CAMK2B: variants seen among roughly 807,000 people sequenced by gnomAD.
CAMK2B encodes calcium/calmodulin dependent protein kinase II beta.
In CAMK2B, 27 loss-of-function variants were observed where a neutral mutation model predicts 93.7. The observed-to-expected ratio is 0.29, with a 90% CI of 0.21 to 0.40. The LOEUF (loss-of-function observed/expected upper bound fraction) is 0.40. CAMK2B is among the 10% of genes least tolerant of loss of function. CAMK2B has a pLI of 1.00. For missense variants in CAMK2B, 568 were observed against 895.8 expected (o/e 0.63, Z 4.67); for synonymous variants, 374 against 358.8 (o/e 1.04, Z -0.48).
rs7788013 is a variant in CAMK2B at position 44,317,359 on chromosome 7, C to T, written c.65+7998G>A. 2.3e-3 allele frequency among the ~76,000 whole-genome samples: 351 copies of T among 152,074 alleles called. 2 individuals are homozygous for T. Among genetic ancestry groups the T allele is most frequent in the African/African-American group, 8.1e-3 (338 of 41,486 alleles). On this transcript the variant is annotated intron_variant, in intron 1 of 23. Coordinates refer to ENST00000395749, the MANE Select transcript of CAMK2B (RefSeq NM_001220.5). Reference sequence around the variant, plus strand: ...GAACCTGGTCCAAACTGAGATGTGCCGTAAGGGTAAAATACACACCAGATT... The same window carrying T: ...GAACCTGGTCCAAACTGAGATGTGCTGTAAGGGTAAAATACACACCAGATT...
intron 1 of CAMK2B, among the ~76,000 whole-genome samples, chr7:44,309,970 G>T (rs1793072871): frequency 6.6e-6 from 1 of 152,222 alleles, no homozygotes; most frequent in South Asian, 2.1e-4. Context: ...GCTCGCGAAG[G>T]ACACGCGGGA....
At position 44,219,305 on chromosome 7, in the gene CAMK2B, T is replaced by C. The variant is rs2096367918; in HGVS notation, c.*220A>G. 6.9e-6 allele frequency: 1 copy of C among 145,008 alleles called. No homozygotes were observed. The highest frequency in any genetic ancestry group is 2.5e-5 in the African/African-American group (1 of 39,608). 9.0% of individuals were successfully genotyped at this position (145,008 alleles called of 1,614,324 possible). ...TTTGTTTTTTTTTTTTTTCATTTCATCTGATGTCAATTTTTTTTGTGGTTG... is the reference window on the plus strand; with the variant it reads ...TTTGTTTTTTTTTTTTTTCATTTCACCTGATGTCAATTTTTTTTGTGGTTG... On this transcript the variant is annotated 3_prime_UTR_variant, in exon 24 of 24. Coordinates refer to ENST00000395749, the MANE Select transcript of CAMK2B (RefSeq NM_001220.5).
Position 44,220,257 on chromosome 7 carries a change from G to T in CAMK2B, c.1806C>A (p.Ile602=). 3 of 1,613,308 alleles carry T rather than the reference G, an allele frequency of 1.9e-6. No homozygotes were observed. The highest frequency in any genetic ancestry group is 2.5e-6 in the Non-Finnish European group (3 of 1,179,956). ...CAATGACGTGCACGTGTGGGTTCAG[G>T]ATGGTCGTGTGGATCGGCTTGCTGT... is the stretch of plus-strand genomic sequence containing the variant. The part of the protein sequence containing the change: ...AKNSKPIHTT[I]LNPHVHVIGE... The change falls in exon 23 of 24, where the codon ATC becomes ATA. Residue 602 remains isoleucine, a synonymous_variant. Coordinates refer to ENST00000395749, the MANE Select transcript of CAMK2B (RefSeq NM_001220.5).
chr7:44,225,632 T>C lies in CAMK2B; in HGVS notation c.1597+884A>G. On this transcript the variant is annotated intron_variant, in intron 20 of 23. Coordinates refer to ENST00000395749, the MANE Select transcript of CAMK2B (RefSeq NM_001220.5). The surrounding 1 kb of genome is among the most constrained non-coding windows in gnomAD (Gnocchi z 5.0). ...TTTGAGCCTGCAGCCTGCATCCCCCTCCTCGAGCCGCTGCTCCTGTGGGTT... is the reference window on the plus strand; with the variant it reads ...TTTGAGCCTGCAGCCTGCATCCCCCCCCTCGAGCCGCTGCTCCTGTGGGTT... 1.2e-6 allele frequency: 1 copy of C among 833,522 alleles called. No individual in the cohort carries two copies. Among genetic ancestry groups the C allele is most frequent in the Non-Finnish European group, 1.7e-6 (1 of 586,732 alleles). The allele number at this position is 833,522 out of a possible 1,614,324, so 51.6% of individuals were successfully genotyped here.
rs1003170508 is a variant in CAMK2B, at chr7:44,286,633, G to T, written c.66-2408C>A. 1.3e-5 allele frequency among the ~76,000 whole-genome samples: 2 copies of T among 152,218 alleles called. No individual in the cohort carries two copies. Among genetic ancestry groups the T allele is most frequent in the African/African-American group, 4.8e-5 (2 of 41,458 alleles). ...CAAGAGCCTGACCGCAGGTGGGTGG[G>T]ACAAGGGCTTCCTCCAGTTGATCCC... On this transcript the variant is annotated intron_variant, in intron 1 of 23. Transcript: ENST00000395749. This position sits in a 1 kb window ranked among gnomAD's most constrained non-coding sequence, Gnocchi z 4.0.
intron 2 of CAMK2B, among the ~76,000 whole-genome samples, chr7:44,265,978 G>T (rs1167838128): frequency 6.6e-6 from 1 of 151,926 alleles, no homozygotes; most frequent in Non-Finnish European, 1.5e-5. Context: ...GGCTAATGTT[G>T]TTTTATTCGT....
chr7:44,247,300 C>A, intron 5 of CAMK2B, 108 bp from the exon 6 acceptor site: 1 of 884,466 alleles, frequency 1.1e-6, no homozygotes. Flanking sequence ...ACCAGGGGGA[C>A]AAAGCAAGTC....
chr7:44,235,517 A>C (rs1319857607), intron 13 of CAMK2B, among the ~76,000 whole-genome samples: 1 of 152,272 alleles, frequency 6.6e-6, no homozygotes, highest in Non-Finnish European at 1.5e-5. Context: ...ATAAAAAACC[A>C]AAAGAGGAAG....
intron 1 of CAMK2B, among the ~76,000 whole-genome samples, chr7:44,310,474 CG>C (rs1793245285): frequency 6.6e-6 from 1 of 152,140 alleles, no homozygotes; most frequent in East Asian, 1.9e-4. Flanking sequence ...ATGTCATGCG[CG>C]GTGGGAGGGG....
chr7:44,280,020 G>A (rs2097090160), intron 2 of CAMK2B, among the ~76,000 whole-genome samples: 1 of 152,160 alleles, frequency 6.6e-6, no homozygotes, highest in African/African-American at 2.4e-5. Context: ...CTGGTTTCAG[G>A]GTGTATCTGC....
intron 20 of CAMK2B, among the ~76,000 whole-genome samples, 160 bp downstream of exon 20, chr7:44,226,356 C>A (rs2096478135): frequency 6.6e-6 from 1 of 152,238 alleles, no homozygotes; most frequent in African/African-American, 2.4e-5. Context: ...CCCAGTGGCA[C>A]CTTCATGTGC....
chr7:44,262,142 C>A (rs1264435692), intron 3 of CAMK2B, among the ~76,000 whole-genome samples: 3 of 152,228 alleles, frequency 2.0e-5, no homozygotes, highest in Non-Finnish European at 2.9e-5. Context: ...CGGAGCCAGG[C>A]CCAGGTGAGT....
At chr7:44,229,196 A>G in intron 18 of CAMK2B, 192 bp downstream of exon 18, 2 of 610,678 alleles carry the variant, frequency 3.3e-6, no homozygotes, top group Non-Finnish European at 5.9e-6. Context: ...AAAGTGGTCC[A>G]GGGCCCTCCT....
chr7:44,262,883 T>G lies in CAMK2B; in HGVS notation c.220+122A>C, dbSNP rs1584357971. 5 of 851,420 alleles carry G rather than the reference T, an allele frequency of 5.9e-6. No individual in the cohort carries two copies. The East Asian group carries it at 1.3e-4, about 22-fold the overall frequency. 52.7% of individuals were successfully genotyped at this position (851,420 alleles called of 1,614,324 possible). A position where few individuals can be genotyped will look rare whatever the true frequency, so the allele number is the denominator to read the frequency against. ...CCTCAGGGGCTTCTGGTGGGATATT[T>G]CAACAGAGAAGAAAAGGAAGTCTTT... On this transcript the variant is annotated intron_variant, in intron 3 of 23. Transcript: ENST00000395749.
At chr7:44,229,798 C>T (rs1042936542) in intron 17 of CAMK2B, 16 of 316,646 alleles carry the variant, frequency 5.1e-5, no homozygotes, top group Non-Finnish European at 8.6e-5. Flanking sequence ...CCCTGCCACC[C>T]TAGTGCTGTG....
rs118045113 is a variant in CAMK2B at position 44,289,201 on chromosome 7, G to A, written c.66-4976C>T. 8.5e-3 allele frequency among the ~76,000 whole-genome samples: 1,291 copies of A among 152,146 alleles called. 12 individuals carry two copies. Among genetic ancestry groups the A allele is most frequent in the Non-Finnish European group, 0.015 (1,050 of 67,998 alleles). On this transcript the variant is annotated intron_variant, in intron 1 of 23. Coordinates refer to ENST00000395749, the MANE Select transcript of CAMK2B (RefSeq NM_001220.5). ...ATCCGTGGCTCCCACCAACCCCCAC[G>A]GAGCTCCCCACCGCAGGTGGCTCTG...
Position 44,239,647 on chromosome 7 carries a change from G to A in CAMK2B, c.963C>T (p.Thr321=), listed in dbSNP as rs1482007497. The stretch of plus-strand genomic sequence containing the variant: ...CCGCGGTGGACATTGTGGCCGGAGC[G>A]GTGGTCTGTCTGCCCACTGTTAGCA... ...TRNFSVGRQT[T]APATMSTAAS... Residue 321 remains threonine (T), a synonymous_variant, in exon 13 of 24, where the codon ACC becomes ACT. Coordinates refer to ENST00000395749, the MANE Select transcript of CAMK2B (RefSeq NM_001220.5). The A allele has an allele frequency of 2.6e-6, 4 of 1,550,234 alleles. No homozygotes were observed. Among genetic ancestry groups the A allele is most frequent in the African/African-American group, 1.4e-5 (1 of 72,986 alleles).
rs556339765 is a variant in CAMK2B, at chr7:44,318,250, C to T, written c.65+7107G>A. On this transcript the variant is annotated intron_variant, in intron 1 of 23. Transcript: ENST00000395749. ...TCTTGGAGTCAAGCTCCATGACAGACATATAAGTGCTGACAGCCCTGCTAC... is the reference window on the plus strand; with the variant it reads ...TCTTGGAGTCAAGCTCCATGACAGATATATAAGTGCTGACAGCCCTGCTAC... Among the ~76,000 whole-genome samples the T allele has an allele frequency of 2.6e-5, 4 of 152,352 alleles. No individual in the cohort carries two copies. The East Asian group carries it at 7.7e-4, about 29-fold the overall frequency.
rs1445631813 is a variant in CAMK2B, at chr7:44,239,605, C to T, written c.1005G>A (p.Met335Ile). The T allele has an allele frequency of 1.3e-5, 20 of 1,549,966 alleles. No homozygotes were observed. In the East Asian group the frequency reaches 4.9e-4, roughly 38 times the overall value. ...CACATCTACCTTGTTCCACCAGCCCCATGGTGGTGCCGGAGGCCGCGGTGG... is the reference window on the plus strand; with the variant it reads ...CACATCTACCTTGTTCCACCAGCCCTATGGTGGTGCCGGAGGCCGCGGTGG... ...TMSTAASGTT[M>I]GLVEQAKSLL... The change falls in exon 13 of 24, where the codon ATG becomes ATA. Residue 335 changes from methionine (M) to isoleucine (I), a missense_variant. Transcript: ENST00000395749.
Sources: gnomAD v4.1 joint callset for allele counts (sites outside exome capture counted in the v4.1 genomes callset) on GRCh38, gnomAD v4.1.1 for gene constraint, Gnocchi (gnomAD v3.1) non-coding constraint, MANE v1.5 for transcripts, NCBI Gene and HGNC (gene_info 2026-07-23, HGNC 2026-07-21) for gene names.